The following ADAM12 variants were observed in gnomAD, a reference collection of about 807,000 sequenced individuals.
ADAM12 encodes ADAM metallopeptidase domain 12, also known as disintegrin and metalloproteinase domain-containing protein 12.
Under a neutral mutation model 106.4 loss-of-function variants are expected in ADAM12, and 70 were observed. The observed-to-expected ratio is 0.66, with a 90% CI of 0.54 to 0.80. The LOEUF (loss-of-function observed/expected upper bound fraction) is 0.80. Ranked by LOEUF, ADAM12 falls within the 30% of genes least tolerant of loss-of-function variation. ADAM12 has a pLI of 0.00. For missense variants in ADAM12, 1,010 were observed against 1,171.9 expected, an observed-to-expected ratio of 0.86 and a Z score of 2.02; for synonymous variants, 420 against 433.5, an observed-to-expected ratio of 0.97 and a Z score of 0.39.
intron 3 of ADAM12, among the ~76,000 whole-genome samples, chr10:126,165,598 C>A (rs952144275): frequency 6.6e-6 from 1 of 152,182 alleles, no homozygotes; most frequent in African/African-American, 2.4e-5. Context: ...CACAGCTGAG[C>A]CCTGGAGACT....
intron 5 of ADAM12, among the ~76,000 whole-genome samples, chr10:126,132,097 C>T (rs1033701210): frequency 6.6e-6 from 1 of 152,020 alleles, no homozygotes. Context: ...GCCTCAGCCT[C>T]CCAAGTAGCT....
chr10:126,385,049 A>G (rs1445340420), intron 1 of ADAM12, among the ~76,000 whole-genome samples: 1 of 152,244 alleles, frequency 6.6e-6, no homozygotes, highest in Non-Finnish European at 1.5e-5. Flanking sequence ...AGAACCACAG[A>G]AAACACTTGC....
intron 21 of ADAM12, among the ~76,000 whole-genome samples, chr10:126,030,944 A>G (rs1486165900): frequency 6.6e-6 from 1 of 152,186 alleles, no homozygotes; most frequent in African/African-American, 2.4e-5. Context: ...TCAATTCAGC[A>G]TATTTCCTAC....
At chr10:126,327,873 A>G (rs554815303) in intron 2 of ADAM12, among the ~76,000 whole-genome samples, 2 of 152,286 alleles carry the variant, frequency 1.3e-5, no homozygotes, top group South Asian at 4.1e-4. Context: ...GAGTTCACAC[A>G]TGGGAGGAGC....
intron 1 of ADAM12, among the ~76,000 whole-genome samples, chr10:126,386,402 G>A (rs1342832743): frequency 6.6e-6 from 1 of 152,154 alleles, no homozygotes; most frequent in Non-Finnish European, 1.5e-5. Flanking sequence ...CGTTTTATAC[G>A]GCCTCAATGG....
intron 2 of ADAM12, among the ~76,000 whole-genome samples, chr10:126,318,564 TCACA>T (rs762904624): frequency 4.0e-5 from 6 of 151,296 alleles, no homozygotes; most frequent in Non-Finnish European, 7.4e-5. Flanking sequence ...ACATTCACAC[TCACA>T]CACTCACATA....
chr10:126,154,945 G>T (rs564521402), intron 4 of ADAM12, among the ~76,000 whole-genome samples: 2 of 152,260 alleles, frequency 1.3e-5, no homozygotes, highest in East Asian at 1.9e-4. Flanking sequence ...TTTCTAAAAA[G>T]GATTTGCCCA....
rs138688725 is a variant in ADAM12, at chr10:126,057,870, C to T, written c.1609+6936G>A. Among the ~76,000 whole-genome samples the T allele has an allele frequency of 2.1e-3, 317 of 152,324 alleles. 1 individual carries two copies. Among genetic ancestry groups the T allele is most frequent in the African/African-American group, 7.0e-3 (290 of 41,578 alleles). ...TCTCCCATATCCCTTCTTCTAGGAA[C>T]GAGAACATTTTCCCCATGGGAAATC... On this transcript the variant is annotated intron_variant, in intron 14 of 22. Transcript: ENST00000448723.
At chr10:126,157,516 G>A (rs1050063457) in intron 3 of ADAM12, among the ~76,000 whole-genome samples, 1 of 152,258 alleles carries the variant, frequency 6.6e-6, no homozygotes, top group African/African-American at 2.4e-5. Flanking sequence ...TACATGGATT[G>A]CAATATGTTG....
Position 126,330,450 on chromosome 10 carries a change from C to G in ADAM12, c.148G>C (p.Gly50Arg). ...DEVVSASVGSGDLWIPVKSFD... is the reference protein window; with the variant it reads ...DEVVSASVGSRDLWIPVKSFD... The stretch of plus-strand genomic sequence containing the variant: ...CTCTTCACTGGGATCCAGAGGTCCC[C>G]ACTCCCAACAGAGGCACTGACAACT... The change falls in exon 2 of 23, where the codon GGG becomes CGG. Residue 50 changes from glycine (G) to arginine (R), a missense_variant. Coordinates refer to ENST00000448723, the MANE Select transcript of ADAM12 (RefSeq NM_001288973.2). The G allele has an allele frequency of 2.5e-6, 4 of 1,613,954 alleles. No individual in the cohort carries two copies. Among genetic ancestry groups the G allele is most frequent in the Non-Finnish European group, 3.4e-6 (4 of 1,179,988 alleles).
chr10:126,306,993 A>G (rs1201765523), intron 2 of ADAM12, among the ~76,000 whole-genome samples: 1 of 152,094 alleles, frequency 6.6e-6, no homozygotes, highest in Non-Finnish European at 1.5e-5. Context: ...GATTCCAGTT[A>G]TATGTAGTTA....
chr10:126,268,508 A>G (rs760037243), intron 3 of ADAM12, among the ~76,000 whole-genome samples: 1 of 152,242 alleles, frequency 6.6e-6, no homozygotes, highest in Non-Finnish European at 1.5e-5. Context: ...ATGATGAGGA[A>G]TAAAGATATG....
intron 1 of ADAM12, among the ~76,000 whole-genome samples, chr10:126,368,078 T>C (rs1171804829): frequency 2.6e-5 from 4 of 151,958 alleles, no homozygotes; most frequent in Non-Finnish European, 5.9e-5. Flanking sequence ...TGTGCATGTG[T>C]ATGTGTGTAT....
chr10:126,127,743 T>C (rs1956229103), intron 5 of ADAM12, among the ~76,000 whole-genome samples: 1 of 152,178 alleles, frequency 6.6e-6, no homozygotes, highest in African/African-American at 2.4e-5. Flanking sequence ...TATGAGGAAA[T>C]GCATGACAGC....
At chr10:126,150,974 C>A (rs557341991) in intron 4 of ADAM12, among the ~76,000 whole-genome samples, 1 of 152,148 alleles carries the variant, frequency 6.6e-6, no homozygotes, top group Admixed American at 6.5e-5. Context: ...ATTAAAATAC[C>A]ACAGTGGTAT....
In ADAM12 at chr10:126,133,421, C is replaced by T. The variant is rs1204247745; in HGVS notation, c.416+2163G>A. On this transcript the variant is annotated intron_variant, in intron 5 of 22. Transcript: ENST00000448723. ...AGATCACTAACAAAATTTAGAGTCG[C>T]CAGCCTCTCTAATACCCGTGGAAAG... 3.3e-5 allele frequency among the ~76,000 whole-genome samples: 5 copies of T among 152,252 alleles called. No individual in the cohort carries two copies. The East Asian group carries it at 7.7e-4, about 24-fold the overall frequency.
At chr10:126,312,509 G>A (rs751126630) in intron 2 of ADAM12, among the ~76,000 whole-genome samples, 3 of 152,122 alleles carry the variant, frequency 2.0e-5, no homozygotes, top group Non-Finnish European at 4.4e-5. Flanking sequence ...TGACTATGTG[G>A]TTAATGAGAT....
intron 14 of ADAM12, among the ~76,000 whole-genome samples, chr10:126,063,022 C>T (rs1348026787): frequency 6.6e-6 from 1 of 152,204 alleles, no homozygotes; most frequent in Non-Finnish European, 1.5e-5. Context: ...CTGGCTTAGT[C>T]CTTGTCATTG....
At chr10:126,381,023 T>C (rs1856471600) in intron 1 of ADAM12, among the ~76,000 whole-genome samples, 1 of 152,236 alleles carries the variant, frequency 6.6e-6, no homozygotes. Context: ...CTTAGCTTCT[T>C]TAAATGATGT....
Sources: gnomAD v4.1 joint callset for allele counts (sites outside exome capture counted in the v4.1 genomes callset) on GRCh38, gnomAD v4.1.1 for gene constraint, MANE v1.5 for transcripts, NCBI Gene and HGNC (gene_info 2026-07-23, HGNC 2026-07-21) for gene names.